The following LPP variants were observed in gnomAD, a reference collection of about 807,000 sequenced individuals.
LPP encodes lipoma-preferred partner.
In LPP, 38 loss-of-function variants were observed where a neutral mutation model predicts 60.4. That is an observed-to-expected ratio of 0.63 (90% CI 0.49 to 0.83). The LOEUF (loss-of-function observed/expected upper bound fraction) is 0.83. LPP is among the 40% of genes least tolerant of loss of function. The pLI, the probability that LPP is intolerant of heterozygous loss-of-function variation, is 0.00. For synonymous variants in LPP, 328 were observed against 290.8 expected, an observed-to-expected ratio of 1.13 and a Z score of -1.30; for missense variants, 902 against 783.6, an observed-to-expected ratio of 1.15 and a Z score of -1.80.
intron 1 of LPP, among the ~76,000 whole-genome samples, chr3:188,173,745 G>C (rs995290009): frequency 1.2e-4 from 18 of 152,126 alleles, no homozygotes; most frequent in African/African-American, 4.1e-4. Flanking sequence ...GAGTCTCCTT[G>C]TTCTTAGGGG....
At chr3:188,556,782 A>AAAT (rs3056835) in intron 6 of LPP, among the ~76,000 whole-genome samples, 87,255 of 151,378 alleles carry the variant, frequency 0.58, 26,035 homozygotes, top group East Asian at 0.93. Context: ...CTTGAAATCC[A>AAAT]GGTTTCTGAA....
intron 6 of LPP, among the ~76,000 whole-genome samples, chr3:188,556,247 T>C (rs1298755332): frequency 1.3e-5 from 2 of 152,012 alleles, no homozygotes; most frequent in African/African-American, 2.4e-5. Flanking sequence ...GGCTCTGGAG[T>C]TGCCCTGTCT....
intron 3 of LPP, among the ~76,000 whole-genome samples, chr3:188,378,257 G>T (rs1775796091): frequency 6.6e-6 from 1 of 152,238 alleles, no homozygotes; most frequent in South Asian, 2.1e-4. Flanking sequence ...ATGTAAGTCT[G>T]CAGAGGTTAC....
intron 3 of LPP, among the ~76,000 whole-genome samples, chr3:188,395,486 C>T (rs1304865531): frequency 6.6e-6 from 1 of 152,030 alleles, no homozygotes; most frequent in Non-Finnish European, 1.5e-5. Context: ...TCCAGGGTCT[C>T]CTCCCAAAGT....
rs528361943 is a variant in LPP, at chr3:188,182,356, C to A, written c.-190+28104C>A. ...TGAGAAGCATTACTGTAGAGCTCAC[C>A]TCTGCTATATTCATCATGTACTTAT... On this transcript the variant is annotated intron_variant, in intron 1 of 11. Coordinates refer to ENST00000617246, the MANE Select transcript of LPP (RefSeq NM_001375462.1). The surrounding 1 kb of genome is among the most constrained non-coding windows in gnomAD (Gnocchi z 4.4). Among the ~76,000 whole-genome samples the A allele has an allele frequency of 1.2e-4, 18 of 152,272 alleles. No homozygotes were observed. The highest frequency in any genetic ancestry group is 4.3e-4 in the African/African-American group (18 of 41,542).
chr3:188,181,288 G>C (rs1159091916), intron 1 of LPP, among the ~76,000 whole-genome samples: 1 of 150,516 alleles, frequency 6.6e-6, no homozygotes, highest in South Asian at 2.1e-4. Flanking sequence ...GGGAGGCAGA[G>C]GTTGCAGTGA....
At position 188,888,795 on chromosome 3, in the gene LPP, C is replaced by T. The variant is rs1239316032; in HGVS notation, c.*14316C>T. ...CTCACTTCCAATATCCCCTCTCAAG[C>T]GGCTACCGTGAAACGGGCTGCAAAC... On this transcript the variant is annotated 3_prime_UTR_variant, in exon 12 of 12. Transcript: ENST00000617246. The T allele has an allele frequency of 4.5e-5, 10 of 220,490 alleles. No homozygotes were observed. Among genetic ancestry groups the T allele is most frequent in the Admixed American group, 2.9e-4 (5 of 17,364 alleles). The allele number at this position is 220,490 out of a possible 1,614,324, so 13.7% of individuals were successfully genotyped here. A position where few individuals can be genotyped will look rare whatever the true frequency, so the allele number is the denominator to read the frequency against.
chr3:188,846,094 C>T (rs1761320814), intron 9 of LPP, among the ~76,000 whole-genome samples: 2 of 152,188 alleles, frequency 1.3e-5, no homozygotes, highest in African/African-American at 4.8e-5. Context: ...AGACACTGTG[C>T]TAGTCAGGGG....
At chr3:188,322,173 C>T (rs1470574816) in intron 2 of LPP, among the ~76,000 whole-genome samples, 2 of 152,168 alleles carry the variant, frequency 1.3e-5, no homozygotes, top group Non-Finnish European at 2.9e-5. Flanking sequence ...AACATTTAAT[C>T]TATGGAGGTT....
chr3:188,574,978 G>A (rs1263241486), intron 6 of LPP, among the ~76,000 whole-genome samples: 7 of 151,704 alleles, frequency 4.6e-5, no homozygotes, highest in South Asian at 4.2e-4. Flanking sequence ...GAGGGGAATC[G>A]TGGTAAATGG....
At chr3:188,475,954 TC>T (rs1404424319) in intron 4 of LPP, among the ~76,000 whole-genome samples, 2 of 151,976 alleles carry the variant, frequency 1.3e-5, no homozygotes, top group East Asian at 1.9e-4. Context: ...TTTATGTTCT[TC>T]CCCCGGATAT....
At chr3:188,674,530 C>T (rs1857591209) in intron 7 of LPP, among the ~76,000 whole-genome samples, 1 of 152,132 alleles carries the variant, frequency 6.6e-6, no homozygotes, top group African/African-American at 2.4e-5. Context: ...GTTTTGTTAA[C>T]ACTGCTGCAC....
intron 3 of LPP, among the ~76,000 whole-genome samples, chr3:188,379,204 G>C (rs144859230): frequency 6.6e-6 from 1 of 152,224 alleles, no homozygotes; most frequent in Non-Finnish European, 1.5e-5. Flanking sequence ...AGTTTAGTTG[G>C]TGAGGCAGCC....
At chr3:188,526,506 C>G (rs7624821) in intron 6 of LPP, among the ~76,000 whole-genome samples, 120,908 of 152,048 alleles carry the variant, frequency 0.8, 48,199 homozygotes, top group East Asian at 0.94. Context: ...GGCCAGGCTT[C>G]TCTGGAACTC....
intron 3 of LPP, among the ~76,000 whole-genome samples, chr3:188,372,824 A>G (rs1385485692): frequency 6.6e-6 from 1 of 151,948 alleles, no homozygotes; most frequent in Non-Finnish European, 1.5e-5. Context: ...GTCATTTAGC[A>G]TTAGGTGTAT....
intron 9 of LPP, among the ~76,000 whole-genome samples, chr3:188,786,382 C>CAAAAAAAAA (rs57565042): frequency 1.7e-4 from 13 of 76,646 alleles, no homozygotes; most frequent in African/African-American, 1.9e-4. Context: ...GACTCCGTCT[C>CAAAAAAAAA]AAAAAAAAAA....
At chr3:188,786,644 G>A (rs1331096676) in intron 9 of LPP, among the ~76,000 whole-genome samples, 3 of 152,110 alleles carry the variant, frequency 2.0e-5, no homozygotes, top group Non-Finnish European at 2.9e-5. Context: ...TTTGTTCATA[G>A]CAGCTATATT....
chr3:188,736,737 T>C (rs139775047), intron 8 of LPP, among the ~76,000 whole-genome samples: 49 of 152,082 alleles, frequency 3.2e-4, no homozygotes, highest in African/African-American at 1.2e-3. Context: ...GATAGATAGA[T>C]ACATAGACAT....
At chr3:188,707,241 T>C (rs1459027347) in intron 7 of LPP, among the ~76,000 whole-genome samples, 1 of 152,096 alleles carries the variant, frequency 6.6e-6, no homozygotes, top group African/African-American at 2.4e-5. Context: ...AATTCTGAGA[T>C]TTTAGTGCAC....
Sources: allele counts gnomAD v4.1 joint callset (sites outside exome capture counted in the v4.1 genomes callset), GRCh38; gene constraint gnomAD v4.1.1; non-coding constraint Gnocchi (gnomAD v3.1); transcripts MANE v1.5; gene names NCBI Gene and HGNC (gene_info 2026-07-23, HGNC 2026-07-21).